The following GRIP2 variants were observed in gnomAD, a reference collection of about 807,000 sequenced individuals.
The protein encoded by GRIP2 is glutamate receptor interacting protein 2, also known as glutamate receptor-interacting protein 2.
In GRIP2, 58 loss-of-function variants were observed where a neutral mutation model predicts 108.3. The ratio of observed to expected loss-of-function variants is 0.54; its 90% CI spans 0.43 to 0.67. The LOEUF (loss-of-function observed/expected upper bound fraction) is 0.67, where lower values mean the gene tolerates loss of function less well. GRIP2 is among the 30% of genes least tolerant of loss of function. The pLI is 0.00. For missense variants in GRIP2, 1,278 were observed against 1,430.6 expected (o/e 0.89, Z 1.72); for synonymous variants, 586 against 598.2 (o/e 0.98, Z 0.30).
rs1490217105 is a variant in GRIP2 at position 14,493,818 on chromosome 3, G to A, written c.2979C>T (p.His993=). The part of the protein sequence containing the change: ...QPFDRVLQVN[H]VRTRDFDCCL... ...AGCAGTCGAAGTCCCGTGTACGGAC[G>A]TGGTTGACCTGCATGGGGCACAAGC... Residue 993 remains histidine (H), a synonymous_variant, in exon 24 of 24, where the codon CAC becomes CAT. Transcript: ENST00000621039. 12 of 1,611,576 alleles carry A rather than the reference G, an allele frequency of 7.4e-6. No individual in the cohort carries two copies. The highest frequency in any genetic ancestry group is 9.3e-6 in the Non-Finnish European group (11 of 1,178,318).
At chr3:14,599,713 T>TTTGTG in the GRIP2 span, among the ~76,000 whole-genome samples, 13 of 73,572 alleles carry the variant, frequency 1.8e-4, no homozygotes, top group East Asian at 3.7e-3. Flanking sequence ...GTGTGTGTGT[T>TTTGTG]TGTGTGTGTG....
intron 17 of GRIP2, 106 bp downstream of exon 17, chr3:14,509,714 A>G: frequency 1.7e-6 from 2 of 1,151,490 alleles, no homozygotes; most frequent in Non-Finnish European, 2.3e-6. Flanking sequence ...CCACAGTGTC[A>G]ATGTTGGAAC....
chr3:14,549,803 C>G (rs954160159), intron 1 of GRIP2, among the ~76,000 whole-genome samples: 1 of 152,202 alleles, frequency 6.6e-6, no homozygotes, highest in Non-Finnish European at 1.5e-5. Context: ...CCAGAGACAG[C>G]TCAGTTCTCT....
chr3:14,584,624 G>A, the GRIP2 span, among the ~76,000 whole-genome samples: 9 of 152,186 alleles, frequency 5.9e-5, no homozygotes, highest in Admixed American at 2.6e-4. Context: ...GACTATGGGC[G>A]GAGGAGGGGC....
At chr3:14,587,349 AAT>A in the GRIP2 span, among the ~76,000 whole-genome samples, 1 of 152,236 alleles carries the variant, frequency 6.6e-6, no homozygotes, top group Non-Finnish European at 1.5e-5. Flanking sequence ...CCAAGAGTCC[AAT>A]CCTAGCTCAG....
chr3:14,508,205 C>T (rs1422498321), intron 17 of GRIP2, among the ~76,000 whole-genome samples: 1 of 152,216 alleles, frequency 6.6e-6, no homozygotes, highest in African/African-American at 2.4e-5. Context: ...TAATCACCAG[C>T]GCCCAGCAGA....
rs7616544 is a variant in GRIP2, at chr3:14,496,734, C to T, written c.2680-174G>A. Among the ~76,000 whole-genome samples the T allele has an allele frequency of 8.5e-3, 1,297 of 152,328 alleles. 29 individuals carry two copies. Among genetic ancestry groups the T allele is most frequent in the African/African-American group, 0.029 (1,226 of 41,562 alleles). ...CAGCGGTGGAGTGGGAAGTCATGAA[C>T]CAATCACACTAACAATGAGAACAAT... is the stretch of plus-strand genomic sequence containing the variant. On this transcript the variant is annotated intron_variant, in intron 21 of 23. Transcript: ENST00000621039.
At chr3:14,513,580 A>G in intron 13 of GRIP2, 85 bp downstream of exon 13, 1 of 1,470,604 alleles carries the variant, frequency 6.8e-7, no homozygotes, top group Non-Finnish European at 9.2e-7. Context: ...GATGGGGTGG[A>G]GCGTTTGCAC....
the GRIP2 span, among the ~76,000 whole-genome samples, chr3:14,582,292 C>T: frequency 6.6e-6 from 1 of 152,208 alleles, no homozygotes; most frequent in Non-Finnish European, 1.5e-5. Flanking sequence ...TTACTGGCCG[C>T]TTGGATCACT....
the GRIP2 span, among the ~76,000 whole-genome samples, chr3:14,563,834 G>C: frequency 6.6e-5 from 10 of 152,304 alleles, no homozygotes; most frequent in African/African-American, 2.4e-4. Context: ...CTGAACACTG[G>C]AGTGGAGAGT....
At chr3:14,596,772 T>G in the GRIP2 span, among the ~76,000 whole-genome samples, 1 of 148,862 alleles carries the variant, frequency 6.7e-6, no homozygotes, top group South Asian at 2.1e-4. Context: ...TTGTATAGAT[T>G]TTTTTTTTTT....
the GRIP2 span, among the ~76,000 whole-genome samples, chr3:14,597,851 C>T: frequency 3.3e-5 from 5 of 152,178 alleles, no homozygotes; most frequent in African/African-American, 4.8e-5. Flanking sequence ...AAATGACTTC[C>T]ACCATTCAAA....
chr3:14,566,382 C>G, the GRIP2 span, among the ~76,000 whole-genome samples: 1 of 152,252 alleles, frequency 6.6e-6, no homozygotes, highest in South Asian at 2.1e-4. Flanking sequence ...AATTGAAACC[C>G]TGGAGCCACA....
chr3:14,489,226 T>A lies in GRIP2; in HGVS notation c.*4439A>T, dbSNP rs1030775856. On this transcript the variant is annotated 3_prime_UTR_variant, in exon 24 of 24. Transcript: ENST00000621039. ...ATGATTCCCTGTATTTTGCAGGGGT[T>A]TTTTTCTCTTTTGCTTTTTAGATAA... The A allele has an allele frequency of 1.3e-5, 2 of 152,586 alleles. No homozygotes were observed. Among genetic ancestry groups the A allele is most frequent in the African/African-American group, 4.8e-5 (2 of 41,432 alleles). The allele number at this position is 152,586 out of a possible 1,614,324, so 9.5% of individuals were successfully genotyped here. A position where few individuals can be genotyped will look rare whatever the true frequency, so the allele number is the denominator to read the frequency against.
Position 14,520,492 on chromosome 3 carries a change from T to G in GRIP2, c.758A>C (p.Lys253Thr). Residue 253 changes from lysine to threonine, a missense_variant, in exon 8 of 24, where the codon AAG becomes ACG. Coordinates refer to ENST00000621039, the MANE Select transcript of GRIP2 (RefSeq NM_001080423.4). ...ASGPLMVEIV[K>T]TPGSALGISL... ...GATCCCCAGGGCAGACCCTGGCGTC[T>G]TGACTATTTCCACCATCAAGGGTCC... 1 of 1,613,992 alleles carries G rather than the reference T, an allele frequency of 6.2e-7. No homozygotes were observed.
chr3:14,588,526 A>C, the GRIP2 span, among the ~76,000 whole-genome samples: 2 of 151,974 alleles, frequency 1.3e-5, no homozygotes, highest in Non-Finnish European at 2.9e-5. Flanking sequence ...GTGGCCACTG[A>C]TGTGTACCCT....
intron 4 of GRIP2, chr3:14,524,043 G>A: frequency 2.1e-6 from 1 of 478,836 alleles, no homozygotes; most frequent in East Asian, 3.5e-5. Context: ...CCCAAGCTAG[G>A]TGAAACCCTA....
Position 14,521,124 on chromosome 3 carries a change from C to A in GRIP2, c.712+518G>T. ...CCGGCTTCCACCTCACCCTGCTCTG[C>A]CCTTACCTCCTTTCACTCACCTGTG... On this transcript the variant is annotated intron_variant, in intron 7 of 23. Transcript: ENST00000621039. The surrounding 1 kb of genome is among the most constrained non-coding windows in gnomAD (Gnocchi z 5.1). 6.0e-6 allele frequency: 1 copy of A among 167,794 alleles called. No individual in the cohort carries two copies. Among genetic ancestry groups the A allele is most frequent in the South Asian group, 1.6e-4 (1 of 6,224 alleles). 10.4% of individuals were successfully genotyped at this position (167,794 alleles called of 1,614,324 possible).
upstream of GRIP2, among the ~76,000 whole-genome samples, chr3:14,556,385 T>C (rs1454254315): frequency 6.6e-6 from 1 of 152,130 alleles, no homozygotes; most frequent in Non-Finnish European, 1.5e-5. Flanking sequence ...GTCCTTCCCC[T>C]CTAGTGGGAC....
Sources: allele counts gnomAD v4.1 joint callset (sites outside exome capture counted in the v4.1 genomes callset), GRCh38; gene constraint gnomAD v4.1.1; non-coding constraint Gnocchi (gnomAD v3.1); transcripts MANE v1.5; gene names NCBI Gene and HGNC (gene_info 2026-07-23, HGNC 2026-07-21).